SIL1: variants seen among roughly 807,000 people sequenced by gnomAD.
SIL1 encodes nucleotide exchange factor SIL1.
In SIL1, 40 loss-of-function variants were observed where a neutral mutation model predicts 49.1. The ratio of observed to expected loss-of-function variants is 0.81; its 90% confidence interval spans 0.63 to 1.06. The LOEUF is 1.06. Among genes scored for constraint, SIL1 ranks in the 50% least tolerant of loss-of-function variants. The pLI is 0.00. For synonymous variants in SIL1, 253 were observed against 250.8 expected (o/e 1.01, Z -0.08); for missense variants, 500 against 572.6 (o/e 0.87, Z 1.29).
chr5:138,960,893 A>T (rs1422105635), intron 7 of SIL1, among the ~76,000 whole-genome samples: 3 of 152,232 alleles, frequency 2.0e-5, no homozygotes, highest in Non-Finnish European at 4.4e-5. Flanking sequence ...AAATCTTATG[A>T]AAAAGAAAAT....
chr5:139,096,571 A>G lies in SIL1; in HGVS notation c.244+24464T>C, dbSNP rs534493152. Among the ~76,000 whole-genome samples, 3 of 151,394 alleles carry G rather than the reference A, an allele frequency of 2.0e-5. No individual in the cohort carries two copies. The South Asian group carries it at 6.3e-4, about 32-fold the overall frequency. On this transcript the variant is annotated intron_variant, in intron 3 of 9. Transcript: ENST00000394817. ...CCTTCCTTCTGCTTGAGAAGAAGAG[A>G]GAAAAGAGTGGGGAGGACTTCATCT... is the stretch of plus-strand genomic sequence containing the variant.
intron 5 of SIL1, among the ~76,000 whole-genome samples, chr5:139,041,196 G>C (rs1266947798): frequency 6.6e-6 from 1 of 152,180 alleles, no homozygotes; most frequent in Non-Finnish European, 1.5e-5. Context: ...ACAATTGCGA[G>C]CATTGCCTTC....
chr5:139,131,961 A>G (rs962045056), intron 1 of SIL1, among the ~76,000 whole-genome samples: 1 of 152,214 alleles, frequency 6.6e-6, no homozygotes, highest in Non-Finnish European at 1.5e-5. Flanking sequence ...GGGGACTCAC[A>G]GCATTATCAG....
rs532199675 is a variant in SIL1 at position 139,024,197 on chromosome 5, G to GA, written c.645+2603dup. On this transcript the variant is annotated intron_variant, in intron 6 of 9. Coordinates refer to ENST00000394817, the MANE Select transcript of SIL1 (RefSeq NM_022464.5). ...GATTCATCCAAATATGTTAAGATGA[G>GA]AAAAAATAGAAGCTGTCAACATCAA... Among the ~76,000 whole-genome samples, 6 of 152,254 alleles carry GA rather than the reference G, an allele frequency of 3.9e-5. No individual in the cohort carries two copies. In the South Asian group the frequency reaches 1.2e-3, roughly 32 times the overall value.
intron 1 of SIL1, among the ~76,000 whole-genome samples, chr5:139,164,143 A>G (rs1295560569): frequency 6.6e-6 from 1 of 151,404 alleles, no homozygotes; most frequent in African/African-American, 2.4e-5. Context: ...AGATATTATC[A>G]TCTCCATTTT....
intron 3 of SIL1, among the ~76,000 whole-genome samples, chr5:139,088,493 T>G (rs1187516886): frequency 2.0e-5 from 3 of 152,202 alleles, no homozygotes; most frequent in African/African-American, 7.2e-5. Flanking sequence ...GCTCAGTTTC[T>G]AAGAACAATT....
chr5:138,998,862 T>C (rs1273947463), intron 7 of SIL1, among the ~76,000 whole-genome samples: 1 of 149,098 alleles, frequency 6.7e-6, no homozygotes, highest in African/African-American at 2.5e-5. Flanking sequence ...CTTTTTTTTT[T>C]TTTTTTTTTT....
chr5:139,059,829 T>A, intron 3 of SIL1, among the ~76,000 whole-genome samples: 1 of 152,218 alleles, frequency 6.6e-6, no homozygotes, highest in East Asian at 1.9e-4. Flanking sequence ...CTCATTTGTC[T>A]TCTCACTTTA....
chr5:139,086,636 C>T (rs1770228126), intron 3 of SIL1, among the ~76,000 whole-genome samples: 1 of 151,332 alleles, frequency 6.6e-6, no homozygotes, highest in Non-Finnish European at 1.5e-5. Flanking sequence ...GGATTACAGG[C>T]ATAAGCCACC....
At chr5:139,093,264 ATCCCAGTC>A (rs1341385961) in intron 3 of SIL1, among the ~76,000 whole-genome samples, 1 of 152,236 alleles carries the variant, frequency 6.6e-6, no homozygotes, top group Non-Finnish European at 1.5e-5. Context: ...AAACTTGGAT[ATCCCAGTC>A]TCTAGAATTG....
intron 3 of SIL1, among the ~76,000 whole-genome samples, chr5:139,075,024 C>A (rs1031036079): frequency 1.3e-5 from 2 of 152,118 alleles, no homozygotes; most frequent in African/African-American, 4.8e-5. Flanking sequence ...GGGGTTTCAC[C>A]ATGTTTGCCA....
At chr5:139,021,514 G>A (rs1326108037) in intron 6 of SIL1, among the ~76,000 whole-genome samples, 1 of 152,180 alleles carries the variant, frequency 6.6e-6, no homozygotes, top group African/African-American at 2.4e-5. Flanking sequence ...ACCTGCGTGG[G>A]AATCAGCAGA....
chr5:139,175,823 C>T (rs900575992), intron 1 of SIL1, among the ~76,000 whole-genome samples: 1 of 152,144 alleles, frequency 6.6e-6, no homozygotes, highest in African/African-American at 2.4e-5. Context: ...ATCAACTGAG[C>T]GTGGTGGCGC....
rs1427341066 is a variant in SIL1, at chr5:138,948,203, C to T, written c.1030-730G>A. On this transcript the variant is annotated intron_variant, in intron 9 of 9. Coordinates refer to ENST00000394817, the MANE Select transcript of SIL1 (RefSeq NM_022464.5). The surrounding 1 kb of genome is among the most constrained non-coding windows in gnomAD (Gnocchi z 4.8). ...CAGGAGAAGAGGAGGCCACAGTGGA[C>T]CACCTGTGCTTCCTGCGGCAGCAGG... 6.6e-6 allele frequency among the ~76,000 whole-genome samples: 1 copy of T among 152,184 alleles called. No individual in the cohort carries two copies. The highest frequency in any genetic ancestry group is 1.5e-5 in the Non-Finnish European group (1 of 68,024).
chr5:138,981,224 A>C (rs1581003524), intron 7 of SIL1, among the ~76,000 whole-genome samples: 1 of 152,046 alleles, frequency 6.6e-6, no homozygotes, highest in Non-Finnish European at 1.5e-5. Flanking sequence ...AAAAAAAAAA[A>C]AAAAAAAAAG....
At position 139,018,549 on chromosome 5, in the gene SIL1, C is replaced by G. The variant is rs951050038; in HGVS notation, c.767+2622G>C. On this transcript the variant is annotated intron_variant, in intron 7 of 9. Transcript: ENST00000394817. Reference sequence around the variant, plus strand: ...AGGTTGCAGTGAGCCAAGATCGGGCCACTGTACTCCAGCCTGAGTGAAAAG... The same window carrying G: ...AGGTTGCAGTGAGCCAAGATCGGGCGACTGTACTCCAGCCTGAGTGAAAAG... Among the ~76,000 whole-genome samples, 129 of 143,710 alleles carry G rather than the reference C, an allele frequency of 9.0e-4. 2 individuals carry two copies. The highest frequency in any genetic ancestry group is 1.2e-4 in the Non-Finnish European group (8 of 67,218). 94.3% of individuals were successfully genotyped at this position (143,710 alleles called of 152,430 possible).
chr5:139,020,920 CAG>C (rs1466174303), intron 7 of SIL1, among the ~76,000 whole-genome samples: 1 of 152,156 alleles, frequency 6.6e-6, no homozygotes, highest in African/African-American at 2.4e-5. Context: ...TTGAATAAAA[CAG>C]AGAATGTGAC....
rs1367073218 is a variant in SIL1, at chr5:139,066,363, C to CT, written c.245-15318dup. ...GCTTTTTGCCTGTCAAATTTCAATG[C>CT]TTTTTTTTTTTGAGATGGAGTCTTG... On this transcript the variant is annotated intron_variant, in intron 3 of 9. Transcript: ENST00000394817. Among the ~76,000 whole-genome samples, 311 of 146,954 alleles carry CT rather than the reference C, an allele frequency of 2.1e-3. 2 individuals carry two copies. The highest frequency in any genetic ancestry group is 7.0e-3 in the Middle Eastern group (2 of 286).
chr5:139,033,879 C>T (rs1324979069), intron 5 of SIL1, among the ~76,000 whole-genome samples: 5 of 152,106 alleles, frequency 3.3e-5, no homozygotes, highest in East Asian at 3.9e-4. Context: ...CTTACTGATC[C>T]GCTGTCTAGT....
Sources: gnomAD v4.1 joint callset for allele counts (sites outside exome capture counted in the v4.1 genomes callset) on GRCh38, gnomAD v4.1.1 for gene constraint, Gnocchi (gnomAD v3.1) non-coding constraint, MANE v1.5 for transcripts, NCBI Gene and HGNC (gene_info 2026-07-23, HGNC 2026-07-21) for gene names.